The following CYB561 variants were observed in gnomAD, a reference collection of about 807,000 sequenced individuals.
CYB561 encodes transmembrane ascorbate-dependent reductase CYB561.
CYB561 carries 11 observed loss-of-function variants against 25.3 expected under a neutral mutation model. The ratio of observed to expected loss-of-function variants is 0.44; its 90% CI spans 0.27 to 0.72. The LOEUF (loss-of-function observed/expected upper bound fraction) is 0.72, where lower values mean the gene tolerates loss of function less well. Ranked by LOEUF, CYB561 falls within the 30% of genes least tolerant of loss-of-function variation. The pLI, the probability that CYB561 is intolerant of heterozygous loss-of-function variation, is 0.18. For missense variants in CYB561, 295 were observed against 334.9 expected, an observed-to-expected ratio of 0.88 and a Z score of 0.93; for synonymous variants, 165 against 158.8, an observed-to-expected ratio of 1.04 and a Z score of -0.29.
Position 63,435,949 on chromosome 17 carries a change from C to CG in CYB561, c.301+104dup, listed in dbSNP as rs2049294152. The CG allele has an allele frequency of 3.1e-6, 5 of 1,595,016 alleles. No homozygotes were observed. In the South Asian group the frequency reaches 5.6e-5, roughly 18 times the overall value. On this transcript the variant is annotated intron_variant, in intron 3 of 5. Transcript: ENST00000360793. Reference sequence around the variant, plus strand: ...CTGCAGGGGATGTTTGGGGTGGGGGCGGGCCCATCACAGCTCTGGGGAGGG... The same window carrying CG: ...CTGCAGGGGATGTTTGGGGTGGGGGCGGGGCCCATCACAGCTCTGGGGAGGG...
At chr17:63,437,314 C>T in intron 2 of CYB561, 32 bp downstream of exon 2, 2 of 1,582,174 alleles carry the variant, frequency 1.3e-6, no homozygotes, top group Non-Finnish European at 8.7e-7. Flanking sequence ...CCCCACAAGC[C>T]CGGGAAAAGA....
chr17:63,438,146 A>G (rs973988909), intron 1 of CYB561: 4 of 1,535,252 alleles, frequency 2.6e-6, no homozygotes, highest in African/African-American at 2.7e-5. Context: ...CAGGAGTTCC[A>G]TATGCGGTGA....
intron 1 of CYB561, among the ~76,000 whole-genome samples, chr17:63,438,833 T>C (rs915166682): frequency 1.3e-5 from 2 of 152,154 alleles, no homozygotes; most frequent in African/African-American, 4.8e-5. Context: ...ACCCAGCAGC[T>C]GGGGATGGGA....
At chr17:63,441,819 C>T (rs1050590304) in intron 1 of CYB561, among the ~76,000 whole-genome samples, 2 of 152,224 alleles carry the variant, frequency 1.3e-5, no homozygotes, top group Admixed American at 1.3e-4. Flanking sequence ...GGGAAGCTCC[C>T]GGGCGGTGCC....
intron 1 of CYB561, chr17:63,438,103 C>T: frequency 2.0e-6 from 3 of 1,534,944 alleles, no homozygotes; most frequent in Non-Finnish European, 2.6e-6. Context: ...CCCAGCCTCC[C>T]CACGGGGACA....
In CYB561 at chr17:63,436,476, G is replaced by T; in HGVS notation, c.203-324C>A. The T allele has an allele frequency of 3.8e-6, 1 of 262,206 alleles. No individual in the cohort carries two copies. 16.2% of individuals were successfully genotyped at this position (262,206 alleles called of 1,614,324 possible). The stretch of plus-strand genomic sequence containing the variant: ...GACAGGCAGTGAAGGCAGCGCCTCT[G>T]CCCTCGTCCCCACCTAAAGGAGCTG... On this transcript the variant is annotated intron_variant, in intron 2 of 5. Transcript: ENST00000360793. This position sits in a 1 kb window ranked among gnomAD's most constrained non-coding sequence, Gnocchi z 4.8.
chr17:63,441,400 C>T (rs1370327326), intron 1 of CYB561, among the ~76,000 whole-genome samples: 3 of 152,246 alleles, frequency 2.0e-5, no homozygotes, highest in Non-Finnish European at 4.4e-5. Context: ...AGAGGACAAG[C>T]GACAGGCCCC....
chr17:63,441,260 GACC>G (rs1238516528), intron 1 of CYB561, among the ~76,000 whole-genome samples: 1 of 152,224 alleles, frequency 6.6e-6, no homozygotes, highest in East Asian at 1.9e-4. Flanking sequence ...GTAGGGTGGG[GACC>G]CAACAGCCTG....
chr17:63,435,654 G>A (rs1568022461), intron 4 of CYB561, 34 bp downstream of exon 4: 1 of 1,559,260 alleles, frequency 6.4e-7, no homozygotes, highest in South Asian at 1.1e-5. Flanking sequence ...TCCCTGGTAG[G>A]TGGCCCCAGG....
chr17:63,437,516 G>T lies in CYB561; in HGVS notation c.32C>A (p.Thr11Lys). ...GAAGGCCACGTAGTAAGGCAGTGCT[G>T]TGGGGGTGGCTGCCGCGGCCCCGCC... is the stretch of plus-strand genomic sequence containing the variant. Reference protein sequence around the residue: MEGGAAAATPTALPYYVAFSQ... With the variant: MEGGAAAATPKALPYYVAFSQ... Residue 11 changes from threonine (T) to lysine (K), a missense_variant, in exon 2 of 6, where the codon ACA (threonine) becomes AAA (lysine). Coordinates refer to ENST00000360793, the MANE Select transcript of CYB561 (RefSeq NM_001915.4). The T allele has an allele frequency of 6.2e-7, 1 of 1,612,834 alleles. No homozygotes were observed. The highest frequency in any genetic ancestry group is 8.5e-7 in the Non-Finnish European group (1 of 1,179,924).
At position 63,436,163 on chromosome 17, in the gene CYB561, T is replaced by C. The variant is rs757790610; in HGVS notation, c.203-11A>G. ...GGTAAACCAGCAGGGCTGTGGGAGG[T>C]GAGAGAGGGAACGTGAGTGCATCCG... On this transcript the variant is annotated splice_polypyrimidine_tract_variant and intron_variant, in intron 2 of 5. Coordinates refer to ENST00000360793, the MANE Select transcript of CYB561 (RefSeq NM_001915.4). This position sits in a 1 kb window ranked among gnomAD's most constrained non-coding sequence, Gnocchi z 4.8. 1.2e-6 allele frequency: 2 copies of C among 1,612,700 alleles called. No homozygotes were observed. The highest frequency in any genetic ancestry group is 1.3e-5 in the African/African-American group (1 of 74,718).
At chr17:63,437,836 G>A (rs1157167011) in intron 1 of CYB561, 1 of 491,954 alleles carries the variant, frequency 2.0e-6, no homozygotes, top group African/African-American at 2.6e-5. Flanking sequence ...CCCGCTAGAT[G>A]GGCACAGCCC....
chr17:63,441,226 G>A (rs977237929), intron 1 of CYB561, among the ~76,000 whole-genome samples: 1 of 152,132 alleles, frequency 6.6e-6, no homozygotes, highest in Admixed American at 6.5e-5. Context: ...ACCATGGCAG[G>A]GCAGACGTGT....
At chr17:63,435,900 G>GA (rs1247368806) in intron 3 of CYB561, 109 bp from the exon 4 acceptor site, 12 of 1,581,358 alleles carry the variant, frequency 7.6e-6, no homozygotes, top group Middle Eastern at 1.7e-4. Flanking sequence ...GTCCCAGCTC[G>GA]AGGGCTGCCA....
intron 4 of CYB561, 166 bp from the exon 5 acceptor site, chr17:63,435,409 G>A: frequency 2.7e-6 from 2 of 733,516 alleles, no homozygotes; most frequent in Non-Finnish European, 4.4e-6. Flanking sequence ...TAAGCGCTTA[G>A]GGACAAGGGA....
intron 1 of CYB561, chr17:63,438,201 C>T (rs548152724): frequency 3.3e-6 from 5 of 1,535,710 alleles, no homozygotes; most frequent in Non-Finnish European, 3.5e-6. Context: ...CTCAAGGGCC[C>T]AGTGCCCGGC....
chr17:63,438,426 C>T, intron 1 of CYB561: 2 of 540,396 alleles, frequency 3.7e-6, no homozygotes, highest in Non-Finnish European at 6.6e-6. Flanking sequence ...CCACCCCACA[C>T]CCAGGAGAGC....
In CYB561 at chr17:63,434,181, G is replaced by A. The variant is rs2049266020; in HGVS notation, c.*221C>T. 3 of 534,560 alleles carry A rather than the reference G, an allele frequency of 5.6e-6. No homozygotes were observed. The highest frequency in any genetic ancestry group is 1.0e-5 in the Non-Finnish European group (3 of 298,604). 33.1% of individuals were successfully genotyped at this position (534,560 alleles called of 1,614,324 possible). ...CTTCTGCACTGAAGGGGGCAACAGA[G>A]ACACGGGAGCCACACACAATGAACT... On this transcript the variant is annotated 3_prime_UTR_variant, in exon 6 of 6. Transcript: ENST00000360793.
chr17:63,442,466 C>A (rs1900193818), intron 1 of CYB561, among the ~76,000 whole-genome samples: 1 of 152,146 alleles, frequency 6.6e-6, no homozygotes, highest in African/African-American at 2.4e-5. Flanking sequence ...GTCTTGACAG[C>A]AAGAATACTC....
Sources: gnomAD v4.1 joint callset for allele counts (sites outside exome capture counted in the v4.1 genomes callset) on GRCh38, gnomAD v4.1.1 for gene constraint, Gnocchi (gnomAD v3.1) non-coding constraint, MANE v1.5 for transcripts, NCBI Gene and HGNC (gene_info 2026-07-23, HGNC 2026-07-21) for gene names.